The following DTL variants were observed in gnomAD, a reference collection of about 807,000 sequenced individuals.
The protein encoded by DTL is denticleless protein homolog.
Under a neutral mutation model 87.0 loss-of-function variants are expected in DTL, and 46 were observed. The observed-to-expected ratio is 0.53, with a 90% CI of 0.42 to 0.68. The LOEUF is 0.68. Among genes scored for constraint, DTL ranks in the 30% least tolerant of loss-of-function variants. DTL has a pLI of 0.00. For synonymous variants in DTL, 308 were observed against 311.2 expected, an observed-to-expected ratio of 0.99 and a Z score of 0.11; for missense variants, 737 against 869.4, an observed-to-expected ratio of 0.85 and a Z score of 1.91.
At chr1:212,067,930 GAACAATTACTATCGGCACTCA>G (rs1326093076) in intron 8 of DTL, among the ~76,000 whole-genome samples, 1 of 152,090 alleles carries the variant, frequency 6.6e-6, no homozygotes, top group Non-Finnish European at 1.5e-5. Flanking sequence ...AAAAACAATG[GAACAATTACTATCGGCACTCA>G]ACCTTCATCT....
chr1:212,058,973 A>G (rs1009188095), intron 5 of DTL, among the ~76,000 whole-genome samples: 5 of 152,188 alleles, frequency 3.3e-5, no homozygotes, highest in African/African-American at 1.2e-4. Flanking sequence ...ACCTACCAAG[A>G]CTGAATCAGA....
At chr1:212,062,821 T>C in intron 5 of DTL, 63 bp from the exon 6 acceptor site, 1 of 1,369,448 alleles carries the variant, frequency 7.3e-7, no homozygotes, top group East Asian at 2.3e-5. Context: ...AAATGTAAAC[T>C]GAAATATATG....
intron 11 of DTL, among the ~76,000 whole-genome samples, chr1:212,074,648 A>G (rs1464882323): frequency 6.6e-6 from 1 of 152,158 alleles, no homozygotes; most frequent in Non-Finnish European, 1.5e-5. Context: ...TCTCTTTTCC[A>G]TGATTAAAAA....
At position 212,068,247 on chromosome 1, in the gene DTL, G is replaced by T. The variant is rs757242077; in HGVS notation, c.737G>T (p.Arg246Leu). ...VDGIIKVWDL[R>L]KNYTAYRQEP... is the part of the protein sequence containing the mutation. Reference sequence around the variant, plus strand: ...AGGATAATCAAAGTATGGGATTTACGTAAGAATTATACTGCTTATCGACAA... The same window carrying T: ...AGGATAATCAAAGTATGGGATTTACTTAAGAATTATACTGCTTATCGACAA... Residue 246 changes from arginine to leucine, a missense_variant, in exon 9 of 15, where the codon CGT (arginine) becomes CTT (leucine). Coordinates refer to ENST00000366991, the MANE Select transcript of DTL (RefSeq NM_016448.4). 1 of 1,607,108 alleles carries T rather than the reference G, an allele frequency of 6.2e-7. No individual in the cohort carries two copies. Among genetic ancestry groups the T allele is most frequent in the Non-Finnish European group, 8.5e-7 (1 of 1,177,838 alleles).
At chr1:212,059,278 A>C (rs1435041835) in intron 5 of DTL, among the ~76,000 whole-genome samples, 1 of 152,044 alleles carries the variant, frequency 6.6e-6, no homozygotes, top group Non-Finnish European at 1.5e-5. Context: ...ACAGAATACT[A>C]GCAAACTGAA....
chr1:212,037,668 TG>T (rs1355300344), intron 1 of DTL, among the ~76,000 whole-genome samples: 1 of 152,254 alleles, frequency 6.6e-6, no homozygotes, highest in Admixed American at 6.5e-5. Context: ...GAAATAATTG[TG>T]TGCTATACAT....
intron 3 of DTL, among the ~76,000 whole-genome samples, chr1:212,046,440 C>T (rs910306250): frequency 6.6e-6 from 1 of 152,190 alleles, no homozygotes; most frequent in Non-Finnish European, 1.5e-5. Context: ...TGTTCTCCCT[C>T]TCCATGCTCC....
At position 212,100,826 on chromosome 1, in the gene DTL, A is replaced by G. The variant is rs769947779; in HGVS notation, c.1836A>G (p.Glu612=). The change falls in exon 14 of 15, where the codon GAA becomes GAG. Residue 612 remains glutamate, a synonymous_variant. Coordinates refer to ENST00000366991, the MANE Select transcript of DTL (RefSeq NM_016448.4). ...GTCCTACCAAATCAAGCAAAATTGA[A>G]GGAGCTGGTACCAGTATCTCAGAGC... ...SLGPTKSSKI[E]GAGTSISEPP... The G allele has an allele frequency of 6.2e-6, 10 of 1,614,192 alleles. No homozygotes were observed. In the Admixed American group the frequency reaches 1.7e-4, roughly 27 times the overall value.
intron 10 of DTL, among the ~76,000 whole-genome samples, chr1:212,069,580 CTG>C (rs1231629840): frequency 2.7e-5 from 4 of 150,284 alleles, no homozygotes; most frequent in African/African-American, 9.8e-5. Context: ...GAGTTTCACT[CTG>C]TTGCCCAGGC....
rs143956093 is a variant in DTL at position 212,100,873 on chromosome 1, A to G, written c.1883A>G (p.Tyr628Cys). The change falls in exon 14 of 15, where the codon TAT becomes TGT. Residue 628 changes from tyrosine (Y) to cysteine (C), a missense_variant. Physicochemically the swap from Tyr to Cys is radical, Grantham distance 194 (BLOSUM62 -2). Coordinates refer to ENST00000366991, the MANE Select transcript of DTL (RefSeq NM_016448.4). The stretch of plus-strand genomic sequence containing the variant: ...GAGCCTCCGTCTCCTATCAGTCCGT[A>G]TGCTTCAGAAAGCTGTGGAACGCTA... ...ISEPPSPISP[Y>C]ASESCGTLPL... The G allele has an allele frequency of 2.1e-5, 34 of 1,614,180 alleles. 1 individual carries two copies. The highest frequency in any genetic ancestry group is 1.3e-4 in the Admixed American group (8 of 60,014).
intron 5 of DTL, among the ~76,000 whole-genome samples, chr1:212,061,663 G>A (rs569682106): frequency 1.6e-4 from 25 of 152,120 alleles, no homozygotes; most frequent in African/African-American, 5.6e-4. Flanking sequence ...CGAACAAATA[G>A]AGTTTTTAAA....
In DTL at chr1:212,072,129, T is replaced by C. The variant is rs772425233; in HGVS notation, c.951T>C (p.Ser317=). 5.0e-6 allele frequency: 8 copies of C among 1,614,118 alleles called. No homozygotes were observed. In the Admixed American group the frequency reaches 1.2e-4, roughly 24 times the overall value. The change falls in exon 11 of 15, where the codon TCT becomes TCC. Residue 317 remains serine, a synonymous_variant. Coordinates refer to ENST00000366991, the MANE Select transcript of DTL (RefSeq NM_016448.4). ...PVAIFNGHQN[S]TFYVKSSLSP... ...CTATTTTCAATGGACACCAGAACTC[T>C]ACCTTTTATGTAAAATCCAGCCTTA...
At chr1:212,067,467 C>T (rs544869174) in intron 8 of DTL, among the ~76,000 whole-genome samples, 21 of 152,276 alleles carry the variant, frequency 1.4e-4, no homozygotes, top group Non-Finnish European at 2.5e-4. Flanking sequence ...CAAATGGAGA[C>T]TCTTTCTTTT....
intron 1 of DTL, among the ~76,000 whole-genome samples, chr1:212,041,889 A>G (rs952565787): frequency 8.5e-5 from 13 of 152,142 alleles, no homozygotes; most frequent in African/African-American, 2.9e-4. Context: ...TGGCCCCAGA[A>G]CTAATTAAAT....
rs974052378 is a variant in DTL, at chr1:212,044,660, C to T, written c.179C>T (p.Ala60Val). ...ATTTTTTTCTTTATTTCTGCTTTAG[C>T]TCCCAATATGGAACATGTACTAGCA... is the stretch of plus-strand genomic sequence containing the variant. ...VPPFGCTFSS[A>V]PNMEHVLAVA... The change falls in exon 3 of 15, where the codon GCT becomes GTT. Residue 60 changes from alanine to valine, a missense_variant and splice_region_variant. Ala to Val is a moderately conservative substitution (Grantham distance 64). Coordinates refer to ENST00000366991, the MANE Select transcript of DTL (RefSeq NM_016448.4). 10 of 1,580,506 alleles carry T rather than the reference C, an allele frequency of 6.3e-6. No homozygotes were observed. The highest frequency in any genetic ancestry group is 8.6e-6 in the Non-Finnish European group (10 of 1,158,968).
chr1:212,062,747 A>G (rs1395960974), intron 5 of DTL, 137 bp from the exon 6 acceptor site: 13 of 620,148 alleles, frequency 2.1e-5, no homozygotes, highest in African/African-American at 5.6e-5. Context: ...ATTGAGCCAT[A>G]TATTTTTAAA....
intron 13 of DTL, among the ~76,000 whole-genome samples, chr1:212,088,666 A>G (rs1655196562): frequency 6.6e-6 from 1 of 152,256 alleles, no homozygotes; most frequent in Non-Finnish European, 1.5e-5. Flanking sequence ...AACCACATGA[A>G]CAAAGAAATG....
intron 6 of DTL, among the ~76,000 whole-genome samples, chr1:212,064,038 G>A (rs550741653): frequency 6.5e-4 from 98 of 151,814 alleles, no homozygotes; most frequent in South Asian, 1.2e-3. Flanking sequence ...GATTACAGGT[G>A]CATGCCACCA....
At chr1:212,089,886 A>G (rs928083914) in intron 13 of DTL, among the ~76,000 whole-genome samples, 4 of 152,188 alleles carry the variant, frequency 2.6e-5, no homozygotes, top group African/African-American at 9.7e-5. Flanking sequence ...CTGCCTTGTT[A>G]ATCGGCATAT....
Sources: gnomAD v4.1 joint callset for allele counts (sites outside exome capture counted in the v4.1 genomes callset) on GRCh38, gnomAD v4.1.1 for gene constraint, MANE v1.5 for transcripts, NCBI Gene and HGNC (gene_info 2026-07-23, HGNC 2026-07-21) for gene names.